PLXDC2: variants seen among roughly 807,000 people sequenced by gnomAD.
The protein encoded by PLXDC2 is plexin domain containing 2.
A neutral mutation model predicts 68.9 loss-of-function variants in PLXDC2; 40 were observed. That is an observed-to-expected ratio of 0.58 (90% confidence interval 0.45 to 0.76). The LOEUF is 0.76. Among genes scored for constraint, PLXDC2 ranks in the 30% least tolerant of loss-of-function variants. The probability of loss-of-function intolerance (pLI) is 0.00; values close to 1 mark genes in which losing one functional copy is unlikely to be tolerated. For missense variants in PLXDC2, 644 were observed against 661.9 expected, an observed-to-expected ratio of 0.97 and a Z score of 0.30; for synonymous variants, 243 against 234.2, an observed-to-expected ratio of 1.04 and a Z score of -0.34.
At chr10:19,924,617 A>C (rs1397688252) in intron 1 of PLXDC2, among the ~76,000 whole-genome samples, 2 of 152,226 alleles carry the variant, frequency 1.3e-5, no homozygotes, top group African/African-American at 2.4e-5. Context: ...TTCCAGATAG[A>C]GTTAAAAAAT....
intron 4 of PLXDC2, among the ~76,000 whole-genome samples, chr10:20,083,192 G>A (rs1425752293): frequency 1.3e-5 from 2 of 151,974 alleles, no homozygotes; most frequent in Non-Finnish European, 2.9e-5. Context: ...ATTACTATGT[G>A]CGGCCGGGCG....
chr10:20,047,414 G>T (rs908671762), intron 3 of PLXDC2, among the ~76,000 whole-genome samples: 1 of 151,930 alleles, frequency 6.6e-6, no homozygotes, highest in South Asian at 2.1e-4. Flanking sequence ...GTTGGTCTTG[G>T]ATTTAACCAA....
intron 9 of PLXDC2, among the ~76,000 whole-genome samples, chr10:20,209,636 T>C (rs950676468): frequency 1.5e-4 from 23 of 152,170 alleles, no homozygotes; most frequent in Non-Finnish European, 2.9e-4. Flanking sequence ...AGTCAGAGTT[T>C]AAGGTTATCT....
intron 9 of PLXDC2, among the ~76,000 whole-genome samples, chr10:20,208,907 C>A (rs1835029875): frequency 6.6e-6 from 1 of 151,964 alleles, no homozygotes; most frequent in African/African-American, 2.4e-5. Flanking sequence ...AGCCATAAAA[C>A]CAGCAAGTTT....
chr10:19,870,279 A>T (rs1389006474), intron 1 of PLXDC2, among the ~76,000 whole-genome samples: 1 of 152,240 alleles, frequency 6.6e-6, no homozygotes, highest in East Asian at 1.9e-4. Flanking sequence ...AGCAAAATTC[A>T]AAGTGGAAAA....
chr10:20,233,220 G>T (rs926086510), intron 12 of PLXDC2, among the ~76,000 whole-genome samples: 3 of 151,918 alleles, frequency 2.0e-5, no homozygotes, highest in Non-Finnish European at 2.9e-5. Context: ...GGTTCCCTTG[G>T]GCTTTAAAAC....
chr10:20,072,521 A>AAGAAAG (rs1554764571), intron 4 of PLXDC2, among the ~76,000 whole-genome samples: 1 of 102,290 alleles, frequency 9.8e-6, no homozygotes, highest in Non-Finnish European at 1.7e-5. Context: ...GAAAGAAAGA[A>AAGAAAG]AGAAAGAAAG....
chr10:19,993,902 C>T (rs906814772), intron 1 of PLXDC2, among the ~76,000 whole-genome samples: 2 of 152,196 alleles, frequency 1.3e-5, no homozygotes, highest in African/African-American at 4.8e-5. Context: ...ATGTGCAGGG[C>T]ACTTGCATCT....
chr10:19,862,996 G>T (rs766333809), intron 1 of PLXDC2, among the ~76,000 whole-genome samples: 1 of 152,052 alleles, frequency 6.6e-6, no homozygotes, highest in Non-Finnish European at 1.5e-5. Context: ...TATCAACCCT[G>T]TTCTGGTTTT....
At chr10:19,825,824 A>G (rs1348902436) in intron 1 of PLXDC2, among the ~76,000 whole-genome samples, 1 of 152,150 alleles carries the variant, frequency 6.6e-6, no homozygotes, top group East Asian at 1.9e-4. Flanking sequence ...GACTGTAGCT[A>G]CCGCTGACCT....
intron 5 of PLXDC2, among the ~76,000 whole-genome samples, chr10:20,146,594 G>A (rs1312690236): frequency 7.3e-6 from 1 of 137,126 alleles, no homozygotes; most frequent in Admixed American, 7.8e-5. Flanking sequence ...AGACCTGAGT[G>A]GTCTTCACTC....
chr10:20,084,093 A>C (rs1380265632), intron 4 of PLXDC2, among the ~76,000 whole-genome samples: 1 of 152,230 alleles, frequency 6.6e-6, no homozygotes, highest in Admixed American at 6.5e-5. Context: ...AGGTGTTATC[A>C]TAAGTCTTAC....
intron 1 of PLXDC2, among the ~76,000 whole-genome samples, chr10:19,894,358 A>G (rs904927182): frequency 6.6e-6 from 1 of 151,732 alleles, no homozygotes; most frequent in Non-Finnish European, 1.5e-5. Flanking sequence ...AAATTCTCCT[A>G]TATGCCCTGG....
intron 9 of PLXDC2, among the ~76,000 whole-genome samples, chr10:20,190,342 T>C (rs1447721627): frequency 6.6e-6 from 1 of 151,894 alleles, no homozygotes. Flanking sequence ...AAGTTAATTG[T>C]CCAAAAATGA....
chr10:19,881,576 T>C (rs12255145), intron 1 of PLXDC2, among the ~76,000 whole-genome samples: 12,861 of 152,198 alleles, frequency 0.085, 724 homozygotes, highest in East Asian at 0.27. Context: ...CTGATGGACA[T>C]CATATATATG....
rs1833216561 is a variant in PLXDC2, at chr10:19,908,827, T to G, written c.112+91636T>G. The stretch of plus-strand genomic sequence containing the variant: ...TTTGTGTATTTCCAGGGAAGGGAGT[T>G]TCTAAAGAGAGGCCCCAGAAAGCTC... On this transcript the variant is annotated intron_variant, in intron 1 of 13. Coordinates refer to ENST00000377252, the MANE Select transcript of PLXDC2 (RefSeq NM_032812.9). Among the ~76,000 whole-genome samples the G allele has an allele frequency of 2.0e-5, 3 of 152,268 alleles. No homozygotes were observed. In the South Asian group the frequency reaches 6.2e-4, roughly 32 times the overall value.
chr10:20,191,710 G>A (rs1053601083), intron 9 of PLXDC2, among the ~76,000 whole-genome samples: 9 of 151,898 alleles, frequency 5.9e-5, no homozygotes, highest in Non-Finnish European at 1.2e-4. Context: ...AATGTTAAAT[G>A]ACGAGTTAAT....
At chr10:20,032,081 A>C (rs1007424847) in intron 2 of PLXDC2, among the ~76,000 whole-genome samples, 2 of 152,158 alleles carry the variant, frequency 1.3e-5, no homozygotes, top group African/African-American at 4.8e-5. Flanking sequence ...TTGGCCTTCC[A>C]AAGTGCTGGG....
chr10:20,081,474 A>C lies in PLXDC2; in HGVS notation c.541+13235A>C, dbSNP rs529180736. Among the ~76,000 whole-genome samples the C allele has an allele frequency of 2.6e-5, 4 of 152,314 alleles. No homozygotes were observed. In the South Asian group the frequency reaches 8.3e-4, roughly 32 times the overall value. The stretch of plus-strand genomic sequence containing the variant: ...ATCAGAGACCAGTAGGATAATAATA[A>C]AAGTTGTAACCTCCATGTACTTAAT... On this transcript the variant is annotated intron_variant, in intron 4 of 13. Coordinates refer to ENST00000377252, the MANE Select transcript of PLXDC2 (RefSeq NM_032812.9).
Sources: gnomAD v4.1 joint callset for allele counts (sites outside exome capture counted in the v4.1 genomes callset) on GRCh38, gnomAD v4.1.1 for gene constraint, MANE v1.5 for transcripts, NCBI Gene and HGNC (gene_info 2026-07-23, HGNC 2026-07-21) for gene names.